ANO1: variants seen among roughly 807,000 people sequenced by gnomAD.
The protein encoded by ANO1 is anoctamin-1.
A neutral mutation model predicts 124.0 loss-of-function variants in ANO1; 59 were observed. The observed-to-expected ratio is 0.48, with a 90% CI of 0.39 to 0.59. ANO1 has a LOEUF of 0.59. Among genes scored for constraint, ANO1 ranks in the 20% least tolerant of loss-of-function variants. The pLI is 0.00. For missense variants in ANO1, 1,059 were observed against 1,328.0 expected (o/e 0.80, Z 3.15); for synonymous variants, 529 against 532.0 (o/e 0.99, Z 0.08).
At chr11:70,097,732 T>A (rs2045062064) in intron 2 of ANO1, among the ~76,000 whole-genome samples, 1 of 152,182 alleles carries the variant, frequency 6.6e-6, no homozygotes, top group South Asian at 2.1e-4. Context: ...AAGCCGGGGC[T>A]GTCCTAGGCT....
chr11:70,149,119 G>A (rs560294533), intron 11 of ANO1, among the ~76,000 whole-genome samples: 4 of 152,274 alleles, frequency 2.6e-5, no homozygotes, highest in East Asian at 3.9e-4. Context: ...CGGGGCCCCC[G>A]AGAGCAATGG....
intron 1 of ANO1, among the ~76,000 whole-genome samples, chr11:70,035,271 C>T (rs578038082): frequency 2.6e-5 from 4 of 152,216 alleles, no homozygotes; most frequent in African/African-American, 9.6e-5. Flanking sequence ...CATCAGCTGC[C>T]GATGGCCAGC....
chr11:70,113,363 C>G (rs1443106164), intron 7 of ANO1, among the ~76,000 whole-genome samples: 1 of 152,180 alleles, frequency 6.6e-6, no homozygotes, highest in East Asian at 1.9e-4. Context: ...CGGTTTGCCT[C>G]GGCCAGCGAC....
At chr11:70,014,466 G>A (rs1479951176) in intron 1 of ANO1, among the ~76,000 whole-genome samples, 1 of 152,134 alleles carries the variant, frequency 6.6e-6, no homozygotes, top group African/African-American at 2.4e-5. Context: ...CCTCCGTGCT[G>A]CTCTGTGCAG....
chr11:70,066,001 T>A lies in ANO1; in HGVS notation c.59-12541T>A, dbSNP rs543156919. 1.6e-4 allele frequency among the ~76,000 whole-genome samples: 24 copies of A among 152,380 alleles called. No homozygotes were observed. In the South Asian group the frequency reaches 4.6e-3, roughly 29 times the overall value. On this transcript the variant is annotated intron_variant, in intron 1 of 27. Coordinates refer to the ANO1 transcript ENST00000531349. Reference sequence around the variant, plus strand: ...TGATATTCCTGTGTATGCATCGGTTTGCCTTTCTGGCTCCTGGTTTTGCTC... The same window carrying A: ...TGATATTCCTGTGTATGCATCGGTTAGCCTTTCTGGCTCCTGGTTTTGCTC...
rs541662455 is a variant in ANO1 at position 70,032,653 on chromosome 11, G to A, written c.59-45889G>A. 7.8e-4 allele frequency among the ~76,000 whole-genome samples: 119 copies of A among 152,224 alleles called. 1 individual carries two copies. In the South Asian group the frequency reaches 0.022, roughly 28 times the overall value. On this transcript the variant is annotated intron_variant, in intron 1 of 27. Coordinates refer to the ANO1 transcript ENST00000531349. ...TGCCGTTTACTGAGACGAGGCCCCC[G>A]GACTGTGGCTTCTGCCCATCTGGAA...
At chr11:70,036,823 G>T (rs1249706431) in intron 1 of ANO1, among the ~76,000 whole-genome samples, 1 of 152,176 alleles carries the variant, frequency 6.6e-6, no homozygotes, top group Non-Finnish European at 1.5e-5. Context: ...TAGCCAGGAT[G>T]GTCTCAATCT....
intron 1 of ANO1, among the ~76,000 whole-genome samples, chr11:70,000,997 T>G (rs868928952): frequency 6.6e-6 from 1 of 151,944 alleles, no homozygotes; most frequent in African/African-American, 2.4e-5. Context: ...ACTGATATTC[T>G]GGAAGACTGA....
At chr11:70,019,637 C>T (rs1207558734) in intron 1 of ANO1, among the ~76,000 whole-genome samples, 1 of 152,198 alleles carries the variant, frequency 6.6e-6, no homozygotes, top group African/African-American at 2.4e-5. Flanking sequence ...AAGGTTTACA[C>T]CTCCGCAATT....
intron 1 of ANO1, among the ~76,000 whole-genome samples, chr11:70,066,104 C>T (rs1048780386): frequency 6.6e-5 from 10 of 152,308 alleles, no homozygotes; most frequent in Non-Finnish European, 1.3e-4. Flanking sequence ...GACCCAGCCC[C>T]GGTTCTGTGT....
chr11:70,014,624 T>C (rs374701080), intron 1 of ANO1, among the ~76,000 whole-genome samples: 1 of 151,930 alleles, frequency 6.6e-6, no homozygotes, highest in African/African-American at 2.4e-5. Context: ...GAAGGTCTCT[T>C]GGGGAACGTC....
At chr11:70,177,302 G>A (rs1188251815) in intron 22 of ANO1, among the ~76,000 whole-genome samples, 3 of 152,252 alleles carry the variant, frequency 2.0e-5, no homozygotes, top group Non-Finnish European at 2.9e-5. Context: ...GGCCACACGC[G>A]CAAGTGAGAC....
chr11:70,108,540 C>A, intron 6 of ANO1, 136 bp downstream of exon 6: 1 of 958,724 alleles, frequency 1.0e-6, no homozygotes, highest in Non-Finnish European at 1.6e-6. Flanking sequence ...GTAACAGTTC[C>A]AGACAAGAGG....
At chr11:70,117,553 C>A (rs1452717307) in intron 8 of ANO1, among the ~76,000 whole-genome samples, 1 of 152,120 alleles carries the variant, frequency 6.6e-6, no homozygotes, top group Admixed American at 6.5e-5. Flanking sequence ...ATTTGCTCTT[C>A]CCTCCTCTCC....
chr11:70,148,314 A>G (rs11235423), intron 11 of ANO1, among the ~76,000 whole-genome samples: 5,798 of 152,076 alleles, frequency 0.038, 369 homozygotes, highest in African/African-American at 0.13. Context: ...CCTACCTCCT[A>G]TGATCACCGT....
chr11:70,180,467 T>A (rs1405135189), intron 23 of ANO1, among the ~76,000 whole-genome samples: 1 of 152,088 alleles, frequency 6.6e-6, no homozygotes, highest in African/African-American at 2.4e-5. Flanking sequence ...GAGACGGGGT[T>A]TTGACATGTT....
At chr11:70,083,919 G>C (rs1320094580) in intron 1 of ANO1, among the ~76,000 whole-genome samples, 4 of 152,212 alleles carry the variant, frequency 2.6e-5, no homozygotes, top group Non-Finnish European at 5.9e-5. Context: ...AGGCCAGAGG[G>C]GCTGGCCACC....
At chr11:70,058,998 A>T (rs1347443183) in intron 1 of ANO1, among the ~76,000 whole-genome samples, 2 of 151,832 alleles carry the variant, frequency 1.3e-5, no homozygotes, top group African/African-American at 2.4e-5. Flanking sequence ...CCTGGCTAAC[A>T]CGGTGAAACC....
intron 1 of ANO1, among the ~76,000 whole-genome samples, chr11:70,026,413 G>A (rs570347135): frequency 1.3e-5 from 2 of 151,118 alleles, no homozygotes; most frequent in Admixed American, 1.3e-4. Context: ...TAATGATGAT[G>A]ACAACAGTAA....
Sources: gnomAD v4.1 joint callset for allele counts (sites outside exome capture counted in the v4.1 genomes callset) on GRCh38, gnomAD v4.1.1 for gene constraint, MANE v1.5 for transcripts, NCBI Gene and HGNC (gene_info 2026-07-23, HGNC 2026-07-21) for gene names.